SPIDR: variants seen among roughly 807,000 people sequenced by gnomAD.
The protein encoded by SPIDR is scaffold protein involved in DNA repair.
SPIDR carries 93 observed loss-of-function variants against 104.6 expected under a neutral mutation model. That is an observed-to-expected ratio of 0.89 (90% confidence interval 0.75 to 1.06). The LOEUF (loss-of-function observed/expected upper bound fraction) is 1.06. Ranked by LOEUF, SPIDR falls within the 50% of genes least tolerant of loss-of-function variation. The pLI, the probability that SPIDR is intolerant of heterozygous loss-of-function variation, is 0.00. For missense variants in SPIDR, 1,154 were observed against 1,111.2 expected (o/e 1.04, Z -0.55); for synonymous variants, 431 against 416.9 (o/e 1.03, Z -0.41).
intron 8 of SPIDR, among the ~76,000 whole-genome samples, chr8:47,501,873 A>G (rs1189357529): frequency 6.6e-6 from 1 of 152,182 alleles, no homozygotes; most frequent in East Asian, 1.9e-4. Flanking sequence ...AATTTTGTCA[A>G]AGGCCTTTTC....
chr8:47,560,039 C>G (rs1318351499), intron 8 of SPIDR, among the ~76,000 whole-genome samples: 1 of 152,148 alleles, frequency 6.6e-6, no homozygotes, highest in African/African-American at 2.4e-5. Flanking sequence ...ATAGGCCACA[C>G]CTGACAGGTG....
chr8:47,721,617 A>G (rs1589523658), intron 16 of SPIDR, among the ~76,000 whole-genome samples: 1 of 151,728 alleles, frequency 6.6e-6, no homozygotes, highest in Admixed American at 6.6e-5. Context: ...GACTACAGGC[A>G]CCTGCCACCA....
chr8:47,623,238 A>G (rs1049834197), intron 10 of SPIDR, among the ~76,000 whole-genome samples: 5 of 152,210 alleles, frequency 3.3e-5, no homozygotes, highest in African/African-American at 1.2e-4. Flanking sequence ...TGAAGGAAGC[A>G]CTAAACATGG....
intron 8 of SPIDR, among the ~76,000 whole-genome samples, chr8:47,463,668 A>G (rs2074314435): frequency 6.6e-6 from 1 of 152,180 alleles, no homozygotes; most frequent in Non-Finnish European, 1.5e-5. Flanking sequence ...AAAGAGTTAT[A>G]CCCCATTTCC....
chr8:47,588,822 A>T (rs544943386), intron 8 of SPIDR, among the ~76,000 whole-genome samples: 1 of 152,148 alleles, frequency 6.6e-6, no homozygotes, highest in Non-Finnish European at 1.5e-5. Context: ...CACATTGCTA[A>T]TGTAATCATC....
intron 8 of SPIDR, among the ~76,000 whole-genome samples, chr8:47,582,463 G>C (rs1211375199): frequency 6.6e-6 from 1 of 152,160 alleles, no homozygotes; most frequent in Non-Finnish European, 1.5e-5. Context: ...GATAGTGATA[G>C]AAAATGAAAA....
chr8:47,593,751 C>G (rs115242803), intron 8 of SPIDR, among the ~76,000 whole-genome samples: 1,626 of 152,184 alleles, frequency 0.011, 29 homozygotes, highest in African/African-American at 0.037. Flanking sequence ...GGGAGAGACT[C>G]CTTGTTCCTG....
At chr8:47,328,069 G>C (rs2048003807) in intron 5 of SPIDR, among the ~76,000 whole-genome samples, 1 of 135,206 alleles carries the variant, frequency 7.4e-6, no homozygotes, top group South Asian at 2.7e-4. Context: ...TTTTAGTTTT[G>C]AAAAAAGTTC....
chr8:47,716,682 G>T (rs1244438014), intron 16 of SPIDR, among the ~76,000 whole-genome samples: 1 of 152,136 alleles, frequency 6.6e-6, no homozygotes, highest in East Asian at 1.9e-4. Context: ...GGATGTCTGA[G>T]GGCTGCAGCC....
At chr8:47,717,010 G>T (rs1180665375) in intron 16 of SPIDR, among the ~76,000 whole-genome samples, 1 of 152,170 alleles carries the variant, frequency 6.6e-6, no homozygotes, top group East Asian at 1.9e-4. Flanking sequence ...GGTCTGCAGG[G>T]GTGGAGCAGA....
intron 11 of SPIDR, among the ~76,000 whole-genome samples, chr8:47,679,593 C>T (rs1296465228): frequency 6.6e-6 from 1 of 151,836 alleles, no homozygotes; most frequent in Admixed American, 6.6e-5. Flanking sequence ...TGCCTCCATC[C>T]CCTCCAGTGC....
At chr8:47,262,168 A>G (rs116205490) in intron 1 of SPIDR, among the ~76,000 whole-genome samples, 53 of 152,302 alleles carry the variant, frequency 3.5e-4, no homozygotes, top group African/African-American at 1.3e-3. Context: ...TCTATATTAG[A>G]TCTTTCCCTA....
At position 47,484,922 on chromosome 8, in the gene SPIDR, G is replaced by A. The variant is rs565119630; in HGVS notation, c.1097+44380G>A. Among the ~76,000 whole-genome samples, 30 of 152,274 alleles carry A rather than the reference G, an allele frequency of 2.0e-4. No homozygotes were observed. The South Asian group carries it at 2.5e-3, about 13-fold the overall frequency. On this transcript the variant is annotated intron_variant, in intron 8 of 19. Transcript: ENST00000297423. ...CCAGTCTACAGCTCCCAGCATAAGC[G>A]ACACAGAAGATGGGTGATATCTGCA...
chr8:47,279,585 C>T (rs1040251345), intron 1 of SPIDR: 18 of 282,658 alleles, frequency 6.4e-5, no homozygotes, highest in Admixed American at 9.4e-5. Context: ...TCCTTGGCTT[C>T]TTTCCTTTCA....
intron 11 of SPIDR, among the ~76,000 whole-genome samples, chr8:47,690,934 G>A (rs547922474): frequency 2.6e-5 from 4 of 152,064 alleles, no homozygotes; most frequent in Non-Finnish European, 5.9e-5. Flanking sequence ...AGTGCAAAGG[G>A]CTTAATTTCA....
At chr8:47,389,613 C>T (rs535509323) in intron 5 of SPIDR, among the ~76,000 whole-genome samples, 5 of 143,236 alleles carry the variant, frequency 3.5e-5, no homozygotes, top group African/African-American at 5.4e-5. Context: ...GGCGTGAACC[C>T]GGAAGGCAGA....
intron 7 of SPIDR, among the ~76,000 whole-genome samples, chr8:47,422,377 C>G (rs1423934797): frequency 2.6e-5 from 4 of 152,180 alleles, no homozygotes; most frequent in African/African-American, 9.7e-5. Flanking sequence ...TAGCAATGAG[C>G]GAGGCTCTGT....
At chr8:47,267,552 A>G (rs1156471338) in intron 1 of SPIDR, among the ~76,000 whole-genome samples, 1 of 152,108 alleles carries the variant, frequency 6.6e-6, no homozygotes, top group Admixed American at 6.5e-5. Context: ...TAGTCATCCT[A>G]ATGGTTATGA....
At chr8:47,589,736 G>C (rs1415201651) in intron 8 of SPIDR, among the ~76,000 whole-genome samples, 1 of 152,132 alleles carries the variant, frequency 6.6e-6, no homozygotes, top group South Asian at 2.1e-4. Context: ...GACAGCCTCC[G>C]TCTTATTCTT....
Sources: gnomAD v4.1 joint callset for allele counts (sites outside exome capture counted in the v4.1 genomes callset) on GRCh38, gnomAD v4.1.1 for gene constraint, MANE v1.5 for transcripts, NCBI Gene and HGNC (gene_info 2026-07-23, HGNC 2026-07-21) for gene names.